RPS6KA2: variants seen among roughly 807,000 people sequenced by gnomAD.
RPS6KA2 encodes the protein ribosomal protein S6 kinase alpha-2.
Under a neutral mutation model 91.8 loss-of-function variants are expected in RPS6KA2, and 42 were observed. That is an observed-to-expected ratio of 0.46 (90% CI 0.36 to 0.59). The LOEUF is 0.59. Ranked by LOEUF, RPS6KA2 falls within the 20% of genes least tolerant of loss-of-function variation. The pLI, the probability that RPS6KA2 is intolerant of heterozygous loss-of-function variation, is 0.00. For missense variants in RPS6KA2, 798 were observed against 978.5 expected, an observed-to-expected ratio of 0.82 and a Z score of 2.46; for synonymous variants, 414 against 393.6, an observed-to-expected ratio of 1.05 and a Z score of -0.61.
chr6:166,685,349 G>A (rs1247632546), intron 2 of RPS6KA2, among the ~76,000 whole-genome samples: 1 of 151,800 alleles, frequency 6.6e-6, no homozygotes, highest in East Asian at 1.9e-4. Flanking sequence ...CTGATGGAGT[G>A]TGGGGTGTGT....
intron 10 of RPS6KA2, among the ~76,000 whole-genome samples, chr6:166,478,164 T>C (rs541113614): frequency 6.6e-6 from 1 of 152,262 alleles, no homozygotes; most frequent in South Asian, 2.1e-4. Context: ...TTACCATGCG[T>C]CACCTCAGAG....
chr6:166,432,978 G>T (rs1014346090), intron 14 of RPS6KA2, among the ~76,000 whole-genome samples: 1 of 141,118 alleles, frequency 7.1e-6, no homozygotes, highest in African/African-American at 2.8e-5. Context: ...CTGGGTGACA[G>T]AGCGAGACTC....
At chr6:166,701,104 CTT>C (rs1789505139) in intron 2 of RPS6KA2, 2 of 1,610,110 alleles carry the variant, frequency 1.2e-6, no homozygotes, top group South Asian at 2.2e-5. Context: ...TTACTTCCGT[CTT>C]GACTGAGGTG....
intron 2 of RPS6KA2, 42 bp downstream of exon 2, chr6:166,538,626 G>T: frequency 1.7e-6 from 2 of 1,158,776 alleles, no homozygotes; most frequent in Non-Finnish European, 1.3e-6. Context: ...TGTCCTTTGT[G>T]TTCAGGAATG....
At chr6:166,722,732 G>A (rs1297104178) in intron 2 of RPS6KA2, among the ~76,000 whole-genome samples, 1 of 152,230 alleles carries the variant, frequency 6.6e-6, no homozygotes, top group Non-Finnish European at 1.5e-5. Flanking sequence ...TGATACACGT[G>A]CTTCTCCACG....
In RPS6KA2 at chr6:166,790,461, T is replaced by G. The variant is rs565231016; in HGVS notation, c.123+67739A>C. Among the ~76,000 whole-genome samples, 591 of 152,180 alleles carry G rather than the reference T, an allele frequency of 3.9e-3. 9 individuals are homozygous for G. The highest frequency in any genetic ancestry group is 0.02 in the Middle Eastern group (6 of 294). On this transcript the variant is annotated intron_variant, in intron 2 of 21. Coordinates refer to the RPS6KA2 transcript ENST00000503859. Reference sequence around the variant, plus strand: ...TCTGCAGGATATTATCCAGGAGAACTTCCCCAATCTAGCAAGGCAGGCCAA... The same window carrying G: ...TCTGCAGGATATTATCCAGGAGAACGTCCCCAATCTAGCAAGGCAGGCCAA...
chr6:166,750,545 C>G (rs1791246162), intron 2 of RPS6KA2, among the ~76,000 whole-genome samples: 1 of 152,248 alleles, frequency 6.6e-6, no homozygotes. Context: ...GAACTGCCCT[C>G]CGTGCCTCTT....
At chr6:166,757,797 G>C (rs907280899) in intron 2 of RPS6KA2, 77 of 306,418 alleles carry the variant, frequency 2.5e-4, no homozygotes, top group African/African-American at 1.6e-3. Flanking sequence ...GCTGTGAGTT[G>C]AAAAAACTCT....
chr6:166,763,097 G>A (rs1249957534), intron 2 of RPS6KA2, among the ~76,000 whole-genome samples: 1 of 152,226 alleles, frequency 6.6e-6, no homozygotes, highest in Admixed American at 6.5e-5. Context: ...CCCAGTAACT[G>A]AGAAGTCCTA....
intron 2 of RPS6KA2, among the ~76,000 whole-genome samples, chr6:166,776,603 C>T (rs551401587): frequency 6.9e-4 from 105 of 152,300 alleles, no homozygotes; most frequent in African/African-American, 2.3e-3. Context: ...ACCAGCAATC[C>T]GTGCCGTCTC....
At chr6:166,702,626 G>A (rs1789559182) in intron 2 of RPS6KA2, 2 of 1,570,968 alleles carry the variant, frequency 1.3e-6, no homozygotes, top group Non-Finnish European at 8.8e-7. Context: ...GGGACCGAGT[G>A]CTCAACTTCT....
intron 10 of RPS6KA2, among the ~76,000 whole-genome samples, chr6:166,479,781 G>C (rs867613122): frequency 1.1e-4 from 17 of 152,362 alleles, no homozygotes; most frequent in African/African-American, 3.6e-4. Flanking sequence ...CCCGCTGTAG[G>C]AGCTGCTTGC....
chr6:166,556,568 C>T (rs1166517411), intron 1 of RPS6KA2, among the ~76,000 whole-genome samples: 1 of 152,158 alleles, frequency 6.6e-6, no homozygotes, highest in African/African-American at 2.4e-5. Context: ...CACCACTAAC[C>T]TATAGGAATG....
intron 1 of RPS6KA2, among the ~76,000 whole-genome samples, chr6:166,553,785 C>A (rs557488700): frequency 6.6e-6 from 1 of 152,216 alleles, no homozygotes; most frequent in East Asian, 1.9e-4. Context: ...CAAGCTGATA[C>A]GTTAAAAAAA....
chr6:166,778,598 T>C (rs1778686252), intron 2 of RPS6KA2, among the ~76,000 whole-genome samples: 1 of 152,144 alleles, frequency 6.6e-6, no homozygotes, highest in African/African-American at 2.4e-5. Flanking sequence ...AAACCCCGTC[T>C]CTACTAAAAA....
At chr6:166,541,694 A>G (rs1421086916) in intron 1 of RPS6KA2, among the ~76,000 whole-genome samples, 1 of 150,660 alleles carries the variant, frequency 6.6e-6, no homozygotes, top group Non-Finnish European at 1.5e-5. Context: ...CCACACCCCC[A>G]CCTCCGTTGC....
chr6:166,809,527 G>A (rs906040837), intron 2 of RPS6KA2, among the ~76,000 whole-genome samples: 1 of 152,192 alleles, frequency 6.6e-6, no homozygotes, highest in African/African-American at 2.4e-5. Flanking sequence ...CAGAAAAGTT[G>A]CATAGGGTGT....
Position 166,454,370 on chromosome 6 carries a change from C to T in RPS6KA2, c.1076-3137G>A, listed in dbSNP as rs112242070. Among the ~76,000 whole-genome samples, 455 of 152,068 alleles carry T rather than the reference C, an allele frequency of 3.0e-3. 1 individual carries two copies. Among genetic ancestry groups the T allele is most frequent in the African/African-American group, 0.01 (427 of 41,458 alleles). The stretch of plus-strand genomic sequence containing the variant: ...AAAATTAGCCAGGCGGGGTGGCGCA[C>T]GCCTGTAATCCCAGCTACTCAGGAG... On this transcript the variant is annotated intron_variant, in intron 12 of 20. Coordinates refer to ENST00000265678, the MANE Select transcript of RPS6KA2 (RefSeq NM_021135.6).
Position 166,702,317 on chromosome 6 carries a change from C to A in RPS6KA2, c.123+155883G>T, listed in dbSNP as rs1388430145. On this transcript the variant is annotated intron_variant, in intron 2 of 21. Coordinates refer to the RPS6KA2 transcript ENST00000503859. ...GGAGCCCCTCTGCCCAAGCCCCCGG[C>A]GACCTCGGGGCTGCAGAAAGGGGTT... is the stretch of plus-strand genomic sequence containing the variant. 2.5e-6 allele frequency: 4 copies of A among 1,613,284 alleles called. No homozygotes were observed. The Admixed American group carries it at 6.7e-5, about 27-fold the overall frequency.
Sources: allele counts gnomAD v4.1 joint callset (sites outside exome capture counted in the v4.1 genomes callset), GRCh38; gene constraint gnomAD v4.1.1; transcripts MANE v1.5; gene names NCBI Gene and HGNC (gene_info 2026-07-23, HGNC 2026-07-21).